RYR3: variants seen among roughly 807,000 people sequenced by gnomAD.
The protein encoded by RYR3 is brain ryanodine receptor-calcium release channel.
Under a neutral mutation model 584.3 loss-of-function variants are expected in RYR3, and 207 were observed. The observed-to-expected ratio is 0.35, with a 90% CI of 0.32 to 0.40. The LOEUF (loss-of-function observed/expected upper bound fraction) is 0.40. Ranked by LOEUF, RYR3 falls within the 10% of genes least tolerant of loss-of-function variation. The pLI is 1.00. For synonymous variants in RYR3, 2,416 were observed against 2,248.5 expected, an observed-to-expected ratio of 1.07 and a Z score of -2.11; for missense variants, 5,616 against 6,089.2, an observed-to-expected ratio of 0.92 and a Z score of 2.59.
chr15:33,450,560 C>T (rs905717732), intron 1 of RYR3, among the ~76,000 whole-genome samples: 1 of 151,704 alleles, frequency 6.6e-6, no homozygotes, highest in East Asian at 1.9e-4. Flanking sequence ...GGCAGAGCTC[C>T]TTGAGCTCCT....
chr15:33,805,599 TCCCA>T (rs1441344185), intron 69 of RYR3, among the ~76,000 whole-genome samples: 1 of 151,688 alleles, frequency 6.6e-6, no homozygotes, highest in Admixed American at 6.6e-5. Flanking sequence ...TGCCTCAGCC[TCCCA>T]AGTAGCTGGG....
intron 43 of RYR3, among the ~76,000 whole-genome samples, chr15:33,721,640 A>G (rs1340203067): frequency 6.6e-6 from 1 of 152,144 alleles, no homozygotes; most frequent in Non-Finnish European, 1.5e-5. Flanking sequence ...CAAATGAGGT[A>G]CCTCTTATGA....
At chr15:33,820,733 C>T (rs767793498) in intron 77 of RYR3, 23 bp from the exon 78 acceptor site, 1 of 1,594,804 alleles carries the variant, frequency 6.3e-7, no homozygotes, top group Non-Finnish European at 8.6e-7. Context: ...TGTCTTCTCC[C>T]TTCCCTGCTC....
At chr15:33,816,510 A>C (rs769071621) in intron 74 of RYR3, among the ~76,000 whole-genome samples, 2 of 152,222 alleles carry the variant, frequency 1.3e-5, no homozygotes, top group African/African-American at 4.8e-5. Context: ...GGAATACCTA[A>C]ATTGCCATAT....
Position 33,772,134 on chromosome 15 carries a change from C to G in RYR3, c.9031C>G (p.His3011Asp), listed in dbSNP as rs1413691013. The G allele has an allele frequency of 1.2e-6, 2 of 1,611,968 alleles. No individual in the cohort carries two copies. Among genetic ancestry groups the G allele is most frequent in the African/African-American group, 2.7e-5 (2 of 74,880 alleles). ...GTCCATCTTTGAGCACGTCACTCAG[C>G]ATCAGTTTGGAATGGATCTACTCTG... Reference protein sequence around the residue: ...LTSIFEHVTQHQFGMDLLLGD... With the variant: ...LTSIFEHVTQDQFGMDLLLGD... The change falls in exon 63 of 104, where the codon CAT becomes GAT. Residue 3011 changes from histidine (H) to aspartate (D), a missense_variant. His to Asp is a moderately conservative substitution (Grantham distance 81). Coordinates refer to ENST00000634891, the MANE Select transcript of RYR3 (RefSeq NM_001036.6).
chr15:33,760,430 C>CA lies in RYR3; in HGVS notation c.8705+2842dup, dbSNP rs527728813. ...AAATATTTACCAAGCAAATGGAAAG[C>CA]AAAAAAAAGCAGGGATTACAATCCT... On this transcript the variant is annotated intron_variant, in intron 60 of 103. Transcript: ENST00000634891. Among the ~76,000 whole-genome samples, 109 of 150,918 alleles carry CA rather than the reference C, an allele frequency of 7.2e-4. 1 individual carries two copies. In the East Asian group the frequency reaches 0.018, roughly 25 times the overall value.
intron 53 of RYR3, among the ~76,000 whole-genome samples, chr15:33,746,674 A>C (rs75824692): frequency 5.3e-5 from 8 of 152,102 alleles, no homozygotes; most frequent in African/African-American, 1.9e-4. Context: ...GAATTGCTTG[A>C]AACCGGGAGG....
At chr15:33,321,265 G>C (rs1166539087) in intron 1 of RYR3, among the ~76,000 whole-genome samples, 1 of 152,172 alleles carries the variant, frequency 6.6e-6, no homozygotes, top group Admixed American at 6.5e-5. Flanking sequence ...TCATCCTGCT[G>C]TAAGGATCTG....
Position 33,772,125 on chromosome 15 carries a change from G to T in RYR3, c.9022G>T (p.Val3008Phe). ...LPILTSIFEH[V>F]TQHQFGMDLL... ...CATCCTGACGTCCATCTTTGAGCAC[G>T]TCACTCAGCATCAGTTTGGAATGGA... Residue 3008 changes from valine to phenylalanine, a missense_variant, in exon 63 of 104, where the codon GTC becomes TTC. Physicochemically the swap from Val to Phe is conservative, Grantham distance 50 (BLOSUM62 -1). Transcript: ENST00000634891. The T allele has an allele frequency of 1.2e-6, 2 of 1,613,038 alleles. No homozygotes were observed. Among genetic ancestry groups the T allele is most frequent in the Non-Finnish European group, 1.7e-6 (2 of 1,179,276 alleles).
intron 1 of RYR3, among the ~76,000 whole-genome samples, chr15:33,393,867 G>C (rs921891629): frequency 6.6e-6 from 1 of 152,212 alleles, no homozygotes; most frequent in African/African-American, 2.4e-5. Context: ...AGCAAGGACT[G>C]TGTGCCAGAT....
In RYR3 at chr15:33,726,273, A is replaced by G. The variant is rs2288605; in HGVS notation, c.6913-113A>G. 71 of 1,169,468 alleles carry G rather than the reference A, an allele frequency of 6.1e-5. No individual in the cohort carries two copies. In the East Asian group the frequency reaches 1.5e-3, roughly 25 times the overall value. 72.4% of individuals were successfully genotyped at this position (1,169,468 alleles called of 1,614,324 possible). On this transcript the variant is annotated intron_variant, in intron 45 of 103. Transcript: ENST00000634891. The stretch of plus-strand genomic sequence containing the variant: ...AAGTGTCTGTAGCAATTAGGGAAAC[A>G]TAGAAATGGACCCCTGCCCTTAAGC...
At chr15:33,692,127 G>C (rs2065478868) in intron 38 of RYR3, among the ~76,000 whole-genome samples, 1 of 152,178 alleles carries the variant, frequency 6.6e-6, no homozygotes, top group African/African-American at 2.4e-5. Flanking sequence ...TTAATCATCA[G>C]ATATACAGGT....
chr15:33,722,015 C>A (rs1166612105), intron 43 of RYR3, among the ~76,000 whole-genome samples: 5 of 152,176 alleles, frequency 3.3e-5, no homozygotes, highest in Non-Finnish European at 1.5e-5. Context: ...CAAGGAGATT[C>A]TTCATCTGGA....
At chr15:33,475,746 A>G (rs1178485472) in intron 2 of RYR3, among the ~76,000 whole-genome samples, 3 of 152,222 alleles carry the variant, frequency 2.0e-5, no homozygotes, top group Non-Finnish European at 4.4e-5. Flanking sequence ...GAGTTTTCTC[A>G]TCTGCTTAAT....
intron 60 of RYR3, among the ~76,000 whole-genome samples, chr15:33,761,855 C>A (rs1162812835): frequency 6.6e-6 from 1 of 152,108 alleles, no homozygotes; most frequent in Non-Finnish European, 1.5e-5. Context: ...TGCGAAAATC[C>A]TCAATAAAAT....
chr15:33,566,822 C>G (rs764473073), intron 12 of RYR3, 23 bp downstream of exon 12: 2 of 1,613,278 alleles, frequency 1.2e-6, no homozygotes, highest in Non-Finnish European at 8.5e-7. Flanking sequence ...CTTTCCTCCT[C>G]TACCTAGTGA....
rs772157944 is a variant in RYR3 at position 33,659,792 on chromosome 15, C to T, written c.4381C>T (p.Leu1461Phe). 46 of 1,608,940 alleles carry T rather than the reference C, an allele frequency of 2.9e-5. No homozygotes were observed. The highest frequency in any genetic ancestry group is 3.8e-5 in the Non-Finnish European group (45 of 1,175,546). The change falls in exon 33 of 104, where the codon CTT (leucine) becomes TTT (phenylalanine). Residue 1461 changes from leucine to phenylalanine, a missense_variant. Transcript: ENST00000634891. ...PTSTSLFQFELGKLKNAMPLS... is the reference protein window; with the variant it reads ...PTSTSLFQFEFGKLKNAMPLS... ...AAGTACTTCTTTGTTTCAGTTTGAACTTGGAAAGCTGAAGGTATTTATTTG... is the reference window on the plus strand; with the variant it reads ...AAGTACTTCTTTGTTTCAGTTTGAATTTGGAAAGCTGAAGGTATTTATTTG...
At chr15:33,686,065 T>C (rs1201664726) in intron 38 of RYR3, among the ~76,000 whole-genome samples, 1 of 152,014 alleles carries the variant, frequency 6.6e-6, no homozygotes, top group Non-Finnish European at 1.5e-5. Context: ...ATTCAAAAGC[T>C]AGCAGAAGGC....
At chr15:33,629,916 A>C in intron 21 of RYR3, 24 bp from the exon 22 acceptor site, 1 of 1,403,664 alleles carries the variant, frequency 7.1e-7, no homozygotes, top group South Asian at 1.2e-5. Flanking sequence ...CTTAAATCAC[A>C]TTCTTTCTTA....
Sources: allele counts gnomAD v4.1 joint callset (sites outside exome capture counted in the v4.1 genomes callset), GRCh38; gene constraint gnomAD v4.1.1; transcripts MANE v1.5; gene names NCBI Gene and HGNC (gene_info 2026-07-23, HGNC 2026-07-21).